KTN1: variants seen among roughly 807,000 people sequenced by gnomAD.
KTN1 encodes kinectin 1, also known as kinectin.
In KTN1, 130 loss-of-function variants were observed where a neutral mutation model predicts 222.5. The observed-to-expected ratio is 0.58, with a 90% CI of 0.51 to 0.68. The LOEUF is 0.68. Ranked by LOEUF, KTN1 falls within the 30% of genes least tolerant of loss-of-function variation. KTN1 has a pLI of 0.00. For synonymous variants in KTN1, 512 were observed against 496.3 expected (o/e 1.03, Z -0.42); for missense variants, 1,508 against 1,500.4 (o/e 1.01, Z -0.08).
At position 55,594,002 on chromosome 14, in the gene KTN1, T is replaced by C. The variant is rs540031837; in HGVS notation, c.-31+13648T>C. On this transcript the variant is annotated intron_variant, in intron 1 of 43. Transcript: ENST00000395314. ...TCTTCCCTCTACTGCACTTAAGATA[T>C]GGGTTACTGTTTTGAATTTTTATTG... is the stretch of plus-strand genomic sequence containing the variant. 3.1e-4 allele frequency among the ~76,000 whole-genome samples: 47 copies of C among 152,344 alleles called. 1 individual carries two copies. Among genetic ancestry groups the C allele is most frequent in the African/African-American group, 1.0e-3 (42 of 41,580 alleles).
intron 18 of KTN1, among the ~76,000 whole-genome samples, chr14:55,646,670 G>A (rs975734068): frequency 6.6e-6 from 1 of 151,458 alleles, no homozygotes; most frequent in Non-Finnish European, 1.5e-5. Context: ...TTAATGTAAA[G>A]GAAGTGAGGC....
At chr14:55,651,460 A>T (rs1415945647) in intron 24 of KTN1, 1 of 437,762 alleles carries the variant, frequency 2.3e-6, no homozygotes, top group African/African-American at 2.0e-5. Flanking sequence ...GAAAACTGGG[A>T]TGGAGAAGAG....
rs752291425 is a variant in KTN1 at position 55,637,382 on chromosome 14, T to A, written c.1716+18T>A. 1.3e-6 allele frequency: 2 copies of A among 1,522,648 alleles called. No homozygotes were observed. The highest frequency in any genetic ancestry group is 1.3e-5 in the South Asian group (1 of 77,942). 94.3% of individuals were successfully genotyped at this position (1,522,648 alleles called of 1,614,324 possible). On this transcript the variant is annotated intron_variant, in intron 11 of 43. Transcript: ENST00000395314. ...AGGTTCAGGTATTTTTTCTTCTTTT[T>A]TTTTTTTTAAAAAAATACAGGTGGT...
intron 41 of KTN1, among the ~76,000 whole-genome samples, chr14:55,676,839 G>C (rs868437757): frequency 6.6e-6 from 1 of 152,106 alleles, no homozygotes; most frequent in African/African-American, 2.4e-5. Context: ...AGTGTTGTCA[G>C]GTTATTTTAG....
intron 29 of KTN1, 101 bp downstream of exon 29, chr14:55,656,233 T>A: frequency 1.3e-6 from 1 of 742,206 alleles, no homozygotes; most frequent in Non-Finnish European, 2.2e-6. Context: ...ACAGAATGAG[T>A]CTCCCTCCCA....
chr14:55,641,077 A>C (rs915621774), intron 16 of KTN1, 50 bp from the exon 17 acceptor site: 2 of 1,480,942 alleles, frequency 1.4e-6, no homozygotes, highest in African/African-American at 2.8e-5. Context: ...TAATTCTTGT[A>C]GATTTTCTGA....
At position 55,612,461 on chromosome 14, in the gene KTN1, T is replaced by C. The variant is rs1251294722; in HGVS notation, c.413T>C (p.Ile138Thr). 6.2e-7 allele frequency: 1 copy of C among 1,614,086 alleles called. No individual in the cohort carries two copies. The highest frequency in any genetic ancestry group is 1.1e-5 in the South Asian group (1 of 91,066). Residue 138 changes from isoleucine (I) to threonine (T), a missense_variant, in exon 2 of 44, where the codon ATT becomes ACT. Transcript: ENST00000395314. ...ATCAAAGAAAGTGACGCATCAAAGA[T>C]TCCTGGCAAAAAAGTAGAACCTGTC... ...QVIKESDASK[I>T]PGKKVEPVPV... is the part of the protein sequence containing the mutation.
At chr14:55,595,422 A>G (rs1040460248) in intron 1 of KTN1, among the ~76,000 whole-genome samples, 5 of 151,126 alleles carry the variant, frequency 3.3e-5, no homozygotes, top group African/African-American at 1.2e-4. Flanking sequence ...GCTTATCTGA[A>G]CTAGTTGTCA....
intron 1 of KTN1, among the ~76,000 whole-genome samples, chr14:55,582,094 A>T (rs1193479247): frequency 6.6e-6 from 1 of 152,158 alleles, no homozygotes; most frequent in Non-Finnish European, 1.5e-5. Flanking sequence ...GAGGCTGATA[A>T]TGAATTTGAA....
chr14:55,594,625 G>T (rs1349153446), intron 1 of KTN1, among the ~76,000 whole-genome samples: 1 of 150,504 alleles, frequency 6.6e-6, no homozygotes, highest in Non-Finnish European at 1.5e-5. Flanking sequence ...TGAAAACCCT[G>T]CTGCTAATTT....
chr14:55,675,651 G>T, intron 40 of KTN1, 184 bp from the exon 41 acceptor site: 1 of 432,846 alleles, frequency 2.3e-6, no homozygotes, highest in Non-Finnish European at 4.1e-6. Flanking sequence ...CTTTTCTTAT[G>T]TTTAGCTTTA....
chr14:55,615,802 C>T (rs2038271942), intron 2 of KTN1, among the ~76,000 whole-genome samples: 1 of 151,708 alleles, frequency 6.6e-6, no homozygotes. Context: ...CCCTTCCCTT[C>T]CTTCTTTTCC....
At chr14:55,651,428 G>A (rs929029592) in intron 24 of KTN1, 2 of 451,872 alleles carry the variant, frequency 4.4e-6, no homozygotes, top group Non-Finnish European at 8.9e-6. Context: ...ACATCATAGA[G>A]TACTGTTGAG....
Position 55,646,460 on chromosome 14 carries a change from T to TTTCCTTTCCTTTCCTTTCC in KTN1, c.2173-511_2173-510insCCTTTCCTTTCCTTTCCTT, listed in dbSNP as rs1595073348. ...CCTTTCCTTTTCCTTTTCCTTTTCC[T>TTTCCTTTCCTTTCCTTTCC]TTTCCTTTCCTTTCCTTTCCTTTCC... On this transcript the variant is annotated intron_variant, in intron 18 of 43. Transcript: ENST00000395314. 9.8e-4 allele frequency among the ~76,000 whole-genome samples: 48 copies of TTTCCTTTCCTTTCCTTTCC among 48,968 alleles called. 1 individual carries two copies. In the East Asian group the frequency reaches 0.011, roughly 12 times the overall value. The allele number at this position is 48,968 out of a possible 152,430, so 32.1% of individuals were successfully genotyped here.
rs567030824 is a variant in KTN1 at position 55,656,156 on chromosome 14, A to T, written c.2892+24A>T. On this transcript the variant is annotated intron_variant, in intron 29 of 43. Transcript: ENST00000395314. ...AGGTGAATATGGTGACTTAAAATTA[A>T]TTATTTTGTAAATTATTGTCTTTGC... 1.8e-5 allele frequency: 26 copies of T among 1,450,160 alleles called. 1 individual carries two copies. The East Asian group carries it at 3.9e-4, about 22-fold the overall frequency. 89.8% of individuals were successfully genotyped at this position (1,450,160 alleles called of 1,614,324 possible). A position where few individuals can be genotyped will look rare whatever the true frequency, so the allele number is the denominator to read the frequency against.
chr14:55,661,517 T>A lies in KTN1; in HGVS notation c.3000-5T>A. Reference sequence around the variant, plus strand: ...CTTGCTACATGTATTCATGTTCTGGTTTAGAATTTCAGAAAGAGAGAAAGA... The same window carrying A: ...CTTGCTACATGTATTCATGTTCTGGATTAGAATTTCAGAAAGAGAGAAAGA... On this transcript the variant is annotated splice_polypyrimidine_tract_variant and splice_region_variant and intron_variant, in intron 31 of 43. Transcript: ENST00000395314. The A allele has an allele frequency of 2.6e-6, 4 of 1,540,164 alleles. No homozygotes were observed. The highest frequency in any genetic ancestry group is 3.6e-6 in the Non-Finnish European group (4 of 1,113,304).
intron 1 of KTN1, among the ~76,000 whole-genome samples, chr14:55,604,841 A>G (rs911491477): frequency 6.6e-6 from 1 of 151,968 alleles, no homozygotes; most frequent in African/African-American, 2.4e-5. Context: ...AAAGATTTTT[A>G]GATTTGATTG....
intron 13 of KTN1, 118 bp downstream of exon 13, chr14:55,639,340 A>G (rs1416475794): frequency 8.3e-6 from 5 of 599,388 alleles, no homozygotes; most frequent in East Asian, 3.0e-5. Flanking sequence ...AATACTCTGA[A>G]CTAGATTTGG....
intron 40 of KTN1, chr14:55,674,994 A>G (rs2045770979): frequency 6.6e-6 from 1 of 152,164 alleles, no homozygotes; most frequent in Non-Finnish European, 1.5e-5. Flanking sequence ...AATTCCTCAG[A>G]TAAAATTTCC....
Sources: gnomAD v4.1 joint callset for allele counts (sites outside exome capture counted in the v4.1 genomes callset) on GRCh38, gnomAD v4.1.1 for gene constraint, MANE v1.5 for transcripts, NCBI Gene and HGNC (gene_info 2026-07-23, HGNC 2026-07-21) for gene names.